Variants in SAMD4A observed in about 807,000 individuals in gnomAD.
SAMD4A encodes sterile alpha motif domain containing 4A.
In SAMD4A, 33 loss-of-function variants were observed where a neutral mutation model predicts 81.3. The ratio of observed to expected loss-of-function variants is 0.41; its 90% CI spans 0.31 to 0.54. The LOEUF is 0.54. SAMD4A is among the 20% of genes least tolerant of loss of function. The probability of loss-of-function intolerance (pLI) is 0.37; values close to 1 mark genes in which losing one functional copy is unlikely to be tolerated. For missense variants in SAMD4A, 854 were observed against 951.1 expected (o/e 0.90, Z 1.34); for synonymous variants, 389 against 382.1 (o/e 1.02, Z -0.21).
intron 2 of SAMD4A, among the ~76,000 whole-genome samples, chr14:54,580,077 T>A (rs2033420383): frequency 6.6e-6 from 1 of 152,236 alleles, no homozygotes; most frequent in Admixed American, 6.5e-5. Flanking sequence ...CCTTACATAC[T>A]GCAGCCCCTT....
intron 11 of SAMD4A, among the ~76,000 whole-genome samples, chr14:54,777,941 G>A (rs1445411468): frequency 6.6e-6 from 1 of 152,074 alleles, no homozygotes; most frequent in African/African-American, 2.4e-5. Context: ...AAATTTGGGG[G>A]TTCTGAAGGC....
intron 3 of SAMD4A, among the ~76,000 whole-genome samples, chr14:54,731,177 A>G (rs755330647): frequency 5.9e-5 from 9 of 152,204 alleles, no homozygotes; most frequent in Admixed American, 4.6e-4. Context: ...CTTTGAAACA[A>G]TCACCTTTTT....
At chr14:54,596,226 C>G (rs921811162) in intron 2 of SAMD4A, among the ~76,000 whole-genome samples, 3 of 152,116 alleles carry the variant, frequency 2.0e-5, no homozygotes, top group African/African-American at 7.2e-5. Context: ...GAAATCAACA[C>G]GAGTTGGCAA....
chr14:54,744,761 T>C (rs2037926919), intron 4 of SAMD4A, among the ~76,000 whole-genome samples: 1 of 152,202 alleles, frequency 6.6e-6, no homozygotes, highest in African/African-American at 2.4e-5. Flanking sequence ...CCAGAGAGAT[T>C]CACCCACTTC....
intron 2 of SAMD4A, among the ~76,000 whole-genome samples, chr14:54,659,979 G>A (rs2035603180): frequency 6.6e-6 from 1 of 152,132 alleles, no homozygotes; most frequent in South Asian, 2.1e-4. Context: ...TACTCAGGAG[G>A]CTGAGGCAGG....
intron 2 of SAMD4A, among the ~76,000 whole-genome samples, chr14:54,666,226 CA>C (rs1038494281): frequency 1.3e-5 from 2 of 152,162 alleles, no homozygotes; most frequent in African/African-American, 4.8e-5. Flanking sequence ...AGGAGGGACC[CA>C]GAGGAAGTAC....
intron 4 of SAMD4A, among the ~76,000 whole-genome samples, chr14:54,737,705 G>A (rs756849109): frequency 2.1e-5 from 3 of 140,282 alleles, no homozygotes; most frequent in Non-Finnish European, 4.6e-5. Context: ...AACAAACCAC[G>A]GGATTTTTTT....
chr14:54,634,731 G>A (rs373259788), intron 2 of SAMD4A, among the ~76,000 whole-genome samples: 250 of 67,746 alleles, frequency 3.7e-3, no homozygotes, highest in African/African-American at 7.6e-3. Flanking sequence ...CTGTCTGTCT[G>A]TCTGTCTGTC....
At chr14:54,674,504 G>A (rs1021101063) in intron 2 of SAMD4A, among the ~76,000 whole-genome samples, 2 of 152,182 alleles carry the variant, frequency 1.3e-5, no homozygotes, top group Non-Finnish European at 2.9e-5. Flanking sequence ...TTCTACTGGT[G>A]TAGAAACTGG....
In SAMD4A at chr14:54,737,238, T is replaced by A; in HGVS notation, c.930T>A (p.Asp310Glu). 1 of 1,614,060 alleles carries A rather than the reference T, an allele frequency of 6.2e-7. No individual in the cohort carries two copies. Among genetic ancestry groups the A allele is most frequent in the Non-Finnish European group, 8.5e-7 (1 of 1,180,018 alleles). Residue 310 changes from aspartate to glutamate, a missense_variant, in exon 4 of 13, where the codon GAT becomes GAA. Asp to Glu is a conservative substitution (Grantham distance 45). Around this residue, in one of 3 missense-constraint regions of SAMD4A, gnomAD observed 387 missense variants for 405.8 expected, o/e 0.95. Transcript: ENST00000554335. ...GTGGTGGGAGTGAACACTTAGAAGA[T>A]CAGACCACTGCTCGTAACACATTCC... Reference protein sequence around the residue: ...SGSGGSEHLEDQTTARNTFQE... With the variant: ...SGSGGSEHLEEQTTARNTFQE...
intron 3 of SAMD4A, among the ~76,000 whole-genome samples, chr14:54,716,083 C>T (rs932139892): frequency 2.6e-5 from 4 of 152,122 alleles, no homozygotes; most frequent in Admixed American, 6.5e-5. Context: ...GTGGACTATT[C>T]GAAGGCTCTT....
At chr14:54,577,868 T>G (rs1364788393) in intron 2 of SAMD4A, among the ~76,000 whole-genome samples, 2 of 152,174 alleles carry the variant, frequency 1.3e-5, no homozygotes, top group African/African-American at 2.4e-5. Context: ...GGCTTGGAGT[T>G]GAAGGGTTAA....
intron 2 of SAMD4A, among the ~76,000 whole-genome samples, chr14:54,670,034 A>G (rs1238822392): frequency 6.6e-6 from 1 of 152,296 alleles, no homozygotes; most frequent in South Asian, 2.1e-4. Context: ...CACGTTGTGA[A>G]CGCACTGAGT....
chr14:54,664,100 A>G (rs2035703945), intron 2 of SAMD4A, among the ~76,000 whole-genome samples: 1 of 152,268 alleles, frequency 6.6e-6, no homozygotes, highest in Non-Finnish European at 1.5e-5. Flanking sequence ...TACAAACAAG[A>G]TAACTCTAAA....
At chr14:54,727,828 A>ACACGAACACGCACGCGCACACACG (rs2037465221) in intron 3 of SAMD4A, among the ~76,000 whole-genome samples, 1 of 152,174 alleles carries the variant, frequency 6.6e-6, no homozygotes, top group Non-Finnish European at 1.5e-5. Flanking sequence ...GCGCACACAC[A>ACACGAACACGCACGCGCACACACG]CACAGACACA....
At chr14:54,736,993 A>G (rs2140925837) in intron 3 of SAMD4A, 31 bp from the exon 4 acceptor site, 3 of 1,608,114 alleles carry the variant, frequency 1.9e-6, no homozygotes, top group Non-Finnish European at 2.5e-6. Flanking sequence ...AGGGGGGGGA[A>G]TAACCTATTT....
chr14:54,702,337 T>G lies in SAMD4A; in HGVS notation c.472T>G (p.Phe158Val), dbSNP rs2036740281. 15 of 1,599,922 alleles carry G rather than the reference T, an allele frequency of 9.4e-6. No individual in the cohort carries two copies. The highest frequency in any genetic ancestry group is 2.7e-5 in the African/African-American group (2 of 74,826). The change falls in exon 3 of 13, where the codon TTT becomes GTT. Residue 158 changes from phenylalanine (F) to valine (V), a missense_variant. Physicochemically the swap from Phe to Val is conservative, Grantham distance 50. Coordinates refer to ENST00000554335, the MANE Select transcript of SAMD4A (RefSeq NM_015589.6). ...NHLEDRTSTSFGGQNRGRSDS... is the reference protein window; with the variant it reads ...NHLEDRTSTSVGGQNRGRSDS... The stretch of plus-strand genomic sequence containing the variant: ...CTTGGAGGACCGCACGTCGACCAGC[T>G]TTGGTGGCCAGAACCGAGGCCGCTC...
chr14:54,646,218 G>A (rs1435629841), intron 2 of SAMD4A, among the ~76,000 whole-genome samples: 1 of 152,210 alleles, frequency 6.6e-6, no homozygotes, highest in African/African-American at 2.4e-5. Flanking sequence ...AGAGAATTGA[G>A]TTATAGTGAG....
chr14:54,664,462 G>A (rs2035712222), intron 2 of SAMD4A, among the ~76,000 whole-genome samples: 1 of 152,190 alleles, frequency 6.6e-6, no homozygotes, highest in Admixed American at 6.5e-5. Flanking sequence ...CCAGGCTGAG[G>A]AGCGCGCAGA....
Sources: allele counts gnomAD v4.1 joint callset (sites outside exome capture counted in the v4.1 genomes callset), GRCh38; gene constraint gnomAD v4.1.1; regional missense constraint gnomAD v4.1.1; transcripts MANE v1.5; gene names NCBI Gene and HGNC (gene_info 2026-07-23, HGNC 2026-07-21).